Variants in DNM3 observed in about 807,000 individuals in gnomAD.
The protein encoded by DNM3 is dynamin 3, also known as dynamin-3.
Under a neutral mutation model 101.6 loss-of-function variants are expected in DNM3, and 47 were observed. That is an observed-to-expected ratio of 0.46 (90% CI 0.37 to 0.59). The LOEUF (loss-of-function observed/expected upper bound fraction) is 0.59, where lower values mean the gene tolerates loss of function less well. Among genes scored for constraint, DNM3 ranks in the 20% least tolerant of loss-of-function variants. DNM3 has a pLI of 0.00. For missense variants in DNM3, 849 were observed against 1,085.7 expected (o/e 0.78, Z 3.06); for synonymous variants, 385 against 387.9 (o/e 0.99, Z 0.09).
chr1:172,248,723 A>G (rs557393333), intron 14 of DNM3, among the ~76,000 whole-genome samples: 3 of 152,326 alleles, frequency 2.0e-5, no homozygotes, highest in African/African-American at 7.2e-5. Context: ...AGTCAAAAGC[A>G]GTGTCTGTCA....
At chr1:172,176,649 C>T (rs902845931) in intron 14 of DNM3, among the ~76,000 whole-genome samples, 5 of 151,810 alleles carry the variant, frequency 3.3e-5, no homozygotes, top group Non-Finnish European at 5.9e-5. Context: ...TCCTGACCCA[C>T]AGAAATGTAA....
chr1:171,959,112 A>G (rs1398407993), intron 2 of DNM3, among the ~76,000 whole-genome samples: 1 of 152,178 alleles, frequency 6.6e-6, no homozygotes, highest in African/African-American at 2.4e-5. Flanking sequence ...AGATAATAAA[A>G]TAAAATTAAA....
chr1:172,347,016 C>G (rs776378298), intron 17 of DNM3, among the ~76,000 whole-genome samples: 22 of 152,142 alleles, frequency 1.4e-4, no homozygotes, highest in Non-Finnish European at 2.5e-4. Flanking sequence ...TTGACCTTGG[C>G]ACTAAATAAA....
chr1:172,200,722 G>A (rs1413949977), intron 14 of DNM3, among the ~76,000 whole-genome samples: 1 of 151,936 alleles, frequency 6.6e-6, no homozygotes, highest in African/African-American at 2.4e-5. Context: ...CTGCATTCTT[G>A]TATTGTGTTA....
chr1:172,219,288 G>A (rs888259899), intron 14 of DNM3, among the ~76,000 whole-genome samples: 5 of 147,082 alleles, frequency 3.4e-5, no homozygotes, highest in Admixed American at 1.4e-4. Flanking sequence ...CTTGAACCCC[G>A]AAGGTCAAGG....
chr1:171,926,576 T>G (rs1439943777), intron 2 of DNM3, among the ~76,000 whole-genome samples: 1 of 152,226 alleles, frequency 6.6e-6, no homozygotes, highest in African/African-American at 2.4e-5. Flanking sequence ...GACTGATATT[T>G]ATGTCTATCC....
intron 1 of DNM3, among the ~76,000 whole-genome samples, chr1:171,901,035 C>T (rs1468870434): frequency 6.9e-6 from 1 of 145,846 alleles, no homozygotes; most frequent in African/African-American, 2.6e-5. Context: ...ATGGCGTGAA[C>T]CCGGGAGGTG....
chr1:172,193,988 G>A (rs1572901584), intron 14 of DNM3, among the ~76,000 whole-genome samples: 1 of 152,066 alleles, frequency 6.6e-6, no homozygotes. Flanking sequence ...GCTTTCTCTT[G>A]TGGGCATTTA....
intron 2 of DNM3, among the ~76,000 whole-genome samples, chr1:171,953,008 G>A (rs1166656310): frequency 6.6e-6 from 1 of 152,160 alleles, no homozygotes; most frequent in Non-Finnish European, 1.5e-5. Flanking sequence ...GGTAAGAAAT[G>A]AGTGATAATT....
intron 16 of DNM3, among the ~76,000 whole-genome samples, chr1:172,312,325 GTTCTGCT>G: frequency 6.6e-6 from 1 of 152,236 alleles, no homozygotes; most frequent in South Asian, 2.1e-4. Context: ...AACTTACAAA[GTTCTGCT>G]TTCTGCACAA....
At chr1:172,260,233 T>TTC (rs2062586153) in intron 15 of DNM3, among the ~76,000 whole-genome samples, 1 of 152,156 alleles carries the variant, frequency 6.6e-6, no homozygotes, top group African/African-American at 2.4e-5. Flanking sequence ...CTAGATACTT[T>TTC]TCTCTTGCTG....
chr1:172,101,161 C>A (rs956374830), intron 13 of DNM3, among the ~76,000 whole-genome samples: 1 of 152,168 alleles, frequency 6.6e-6, no homozygotes, highest in Non-Finnish European at 1.5e-5. Context: ...AAGGCAGGTA[C>A]TTGCTGAGCA....
intron 17 of DNM3, among the ~76,000 whole-genome samples, chr1:172,337,875 T>TA (rs1324341455): frequency 5.5e-5 from 5 of 90,384 alleles, no homozygotes; most frequent in African/African-American, 3.1e-4. Flanking sequence ...ATTTTTATTT[T>TA]ATTTTATTTT....
chr1:172,310,697 T>C (rs73046814), intron 16 of DNM3: 3,999 of 152,372 alleles, frequency 0.026, 151 homozygotes, highest in African/African-American at 0.084. Flanking sequence ...AAGGCCAGTG[T>C]GTCTGGAACA....
chr1:172,250,389 A>G (rs1019359214), intron 14 of DNM3, among the ~76,000 whole-genome samples: 4 of 152,188 alleles, frequency 2.6e-5, no homozygotes, highest in African/African-American at 9.6e-5. Flanking sequence ...GATTGAGCCA[A>G]TTTGTAAGTG....
intron 14 of DNM3, among the ~76,000 whole-genome samples, chr1:172,203,634 T>C (rs1225152681): frequency 1.3e-5 from 2 of 152,206 alleles, no homozygotes; most frequent in Non-Finnish European, 2.9e-5. Context: ...TTCTTCCCTG[T>C]AGTCTGTGAA....
At chr1:172,319,936 T>A (rs1236932629) in intron 16 of DNM3, among the ~76,000 whole-genome samples, 1 of 152,100 alleles carries the variant, frequency 6.6e-6, no homozygotes, top group East Asian at 1.9e-4. Flanking sequence ...TGCACACATA[T>A]GTTTATTGCA....
In DNM3 at chr1:172,359,507, G is replaced by A. The variant is rs373313901; in HGVS notation, c.1894-19511G>A. Among the ~76,000 whole-genome samples, 89 of 151,794 alleles carry A rather than the reference G, an allele frequency of 5.9e-4. 1 individual carries two copies. In the South Asian group the frequency reaches 0.018, roughly 31 times the overall value. On this transcript the variant is annotated intron_variant, in intron 17 of 20. Transcript: ENST00000627582. ...ATTGTAGAACTTGTGAACTTGCTAA[G>A]TTTAAACTACAATTTGGAGTAGGGA... is the stretch of plus-strand genomic sequence containing the variant.
At chr1:172,011,382 G>A (rs1226824108) in intron 4 of DNM3, among the ~76,000 whole-genome samples, 1 of 151,822 alleles carries the variant, frequency 6.6e-6, no homozygotes, top group African/African-American at 2.4e-5. Flanking sequence ...AAAATTTCTG[G>A]ACCTCCTTTT....
Sources: gnomAD v4.1 joint callset for allele counts (sites outside exome capture counted in the v4.1 genomes callset) on GRCh38, gnomAD v4.1.1 for gene constraint, MANE v1.5 for transcripts, NCBI Gene and HGNC (gene_info 2026-07-23, HGNC 2026-07-21) for gene names.